Variants in CCDC149 observed in about 807,000 individuals in gnomAD.
The protein encoded by CCDC149 is coiled-coil domain-containing protein 149.
A neutral mutation model predicts 59.9 loss-of-function variants in CCDC149; 45 were observed. That is an observed-to-expected ratio of 0.75 (90% confidence interval 0.59 to 0.96). The LOEUF is 0.96. CCDC149 is among the 40% of genes least tolerant of loss of function. CCDC149 has a pLI of 0.00. For missense variants in CCDC149, 584 were observed against 664.7 expected (o/e 0.88, Z 1.33); for synonymous variants, 245 against 260.6 (o/e 0.94, Z 0.58).
chr4:24,825,798 T>C (rs1237045485), intron 9 of CCDC149, among the ~76,000 whole-genome samples: 1 of 151,696 alleles, frequency 6.6e-6, no homozygotes, highest in African/African-American at 2.4e-5. Context: ...CACACATGCT[T>C]ATTAAAACTG....
chr4:24,942,891 TAA>T (rs961304996), intron 1 of CCDC149, among the ~76,000 whole-genome samples: 11 of 151,742 alleles, frequency 7.2e-5, no homozygotes, highest in African/African-American at 2.4e-4. Flanking sequence ...CTCAATGAAA[TAA>T]AAGAGGATAC....
chr4:24,971,616 CTGT>C (rs1723973569), intron 1 of CCDC149, among the ~76,000 whole-genome samples: 1 of 152,218 alleles, frequency 6.6e-6, no homozygotes, highest in Non-Finnish European at 1.5e-5. Flanking sequence ...CATGTAGAAG[CTGT>C]CTATGATTCC....
chr4:24,836,764 T>G (rs16876198), intron 6 of CCDC149, among the ~76,000 whole-genome samples: 15,296 of 152,166 alleles, frequency 0.1, 872 homozygotes, highest in African/African-American at 0.16. Flanking sequence ...CTAAGGGATA[T>G]CAACACAGTT....
At chr4:24,831,821 G>A (rs55972403) in intron 8 of CCDC149, among the ~76,000 whole-genome samples, 171 bp from the exon 9 acceptor site, 5,308 of 152,248 alleles carry the variant, frequency 0.035, 126 homozygotes, top group Non-Finnish European at 0.051. Flanking sequence ...TCCAGTGTGA[G>A]AACTAAACAG....
intron 1 of CCDC149, among the ~76,000 whole-genome samples, chr4:24,903,634 T>C (rs1361667340): frequency 2.0e-5 from 3 of 152,168 alleles, no homozygotes; most frequent in Admixed American, 6.5e-5. Context: ...AAGTGTTCCA[T>C]GAATCTCAAC....
intron 1 of CCDC149, among the ~76,000 whole-genome samples, chr4:24,979,663 T>C (rs1352642998): frequency 6.6e-6 from 1 of 152,204 alleles, no homozygotes; most frequent in East Asian, 1.9e-4. Flanking sequence ...ACAGGGCTGA[T>C]GGGTAAGTCA....
intron 1 of CCDC149, among the ~76,000 whole-genome samples, chr4:24,902,155 T>C (rs1335545598): frequency 1.3e-5 from 2 of 152,138 alleles, no homozygotes; most frequent in Non-Finnish European, 2.9e-5. Context: ...TGGAAATAAT[T>C]GAGAATGTTG....
chr4:24,884,272 A>C (rs988621134), intron 1 of CCDC149, among the ~76,000 whole-genome samples: 4 of 152,170 alleles, frequency 2.6e-5, no homozygotes, highest in African/African-American at 7.2e-5. Flanking sequence ...AACATTTACC[A>C]CTGTGTTACA....
intron 12 of CCDC149, among the ~76,000 whole-genome samples, chr4:24,813,489 A>AATATATCTATATCTATATATAT (rs1186488610): frequency 6.2e-4 from 70 of 113,718 alleles, no homozygotes; most frequent in African/African-American, 2.7e-3. Context: ...CAGCTTGGGG[A>AATATATCTATATCTATATATAT]ATATATATAT....
chr4:24,858,905 C>A (rs800478), intron 3 of CCDC149, among the ~76,000 whole-genome samples: 122,416 of 152,136 alleles, frequency 0.8, 49,227 homozygotes, highest in East Asian at 0.9. Flanking sequence ...AGCTATCTTG[C>A]AGCATTTCTT....
rs1183097066 is a variant in CCDC149, at chr4:24,912,869, T to A, written c.11A>T (p.Glu4Val). The change falls in exon 1 of 13, where the codon GAG becomes GTG. Residue 4 changes from glutamate (E) to valine (V), a missense_variant. Physicochemically the swap from Glu to Val is moderately radical, Grantham distance 121 (BLOSUM62 -2). Transcript: ENST00000635206. Reference sequence around the variant, plus strand: ...CTCAGTCCGGTCGCCGTTCATGGCCTCCTCCTCCATGCGCTGGCCGGCCTC... The same window carrying A: ...CTCAGTCCGGTCGCCGTTCATGGCCACCTCCTCCATGCGCTGGCCGGCCTC... 5.8e-6 allele frequency: 8 copies of A among 1,368,488 alleles called. No homozygotes were observed. The highest frequency in any genetic ancestry group is 7.6e-6 in the Non-Finnish European group (8 of 1,045,786). The allele number at this position is 1,368,488 out of a possible 1,614,324, so 84.8% of individuals were successfully genotyped here. A position where few individuals can be genotyped will look rare whatever the true frequency, so the allele number is the denominator to read the frequency against.
intron 3 of CCDC149, among the ~76,000 whole-genome samples, chr4:24,857,936 ACCT>A (rs1296416290): frequency 2.0e-5 from 3 of 152,100 alleles, no homozygotes; most frequent in African/African-American, 7.2e-5. Context: ...CAGTCCCTCC[ACCT>A]CCTCAACTCC....
At chr4:24,972,726 C>G (rs1724013896) in intron 1 of CCDC149, among the ~76,000 whole-genome samples, 1 of 152,108 alleles carries the variant, frequency 6.6e-6, no homozygotes, top group Admixed American at 6.6e-5. Context: ...CCAATCTGAC[C>G]CTGGCATAAC....
At chr4:24,925,060 AG>A (rs904453110) in intron 1 of CCDC149, among the ~76,000 whole-genome samples, 1 of 152,220 alleles carries the variant, frequency 6.6e-6, no homozygotes, top group African/African-American at 2.4e-5. Context: ...GAGGCTCCTT[AG>A]GTACAGTTTT....
At chr4:24,809,184 C>A (rs1285949639) in intron 12 of CCDC149, among the ~76,000 whole-genome samples, 1 of 152,048 alleles carries the variant, frequency 6.6e-6, no homozygotes, top group African/African-American at 2.4e-5. Flanking sequence ...AGCTGAGAGC[C>A]AGGGCTTGTT....
At chr4:24,954,301 G>A (rs1049275564) in intron 1 of CCDC149, among the ~76,000 whole-genome samples, 2 of 152,160 alleles carry the variant, frequency 1.3e-5, no homozygotes, top group Non-Finnish European at 2.9e-5. Context: ...AGATTTTCCA[G>A]GCAGGTGCTG....
intron 1 of CCDC149, among the ~76,000 whole-genome samples, chr4:24,895,517 T>C (rs995983219): frequency 1.3e-5 from 2 of 152,214 alleles, no homozygotes; most frequent in African/African-American, 4.8e-5. Context: ...GCAGTGAATT[T>C]ACATTGCTCG....
chr4:24,930,458 C>T (rs552683839), intron 1 of CCDC149, among the ~76,000 whole-genome samples: 1 of 152,300 alleles, frequency 6.6e-6, no homozygotes, highest in Admixed American at 6.5e-5. Context: ...GCTAGGATTA[C>T]CTTAACCAGT....
At position 24,882,519 on chromosome 4, in the gene CCDC149, A is replaced by G. The variant is rs192517557; in HGVS notation, c.64-5822T>C. 3.3e-3 allele frequency among the ~76,000 whole-genome samples: 509 copies of G among 152,336 alleles called. 5 individuals carry two copies. Among genetic ancestry groups the G allele is most frequent in the African/African-American group, 0.011 (473 of 41,572 alleles). ...AAGGAAAGAAAGGCATGATACCTGG[A>G]TAACAAAACGTTATTTCCTGCTATC... On this transcript the variant is annotated intron_variant, in intron 1 of 12. Coordinates refer to ENST00000635206, the MANE Select transcript of CCDC149 (RefSeq NM_001330643.2).
Sources: gnomAD v4.1 joint callset for allele counts (sites outside exome capture counted in the v4.1 genomes callset) on GRCh38, gnomAD v4.1.1 for gene constraint, MANE v1.5 for transcripts, NCBI Gene and HGNC (gene_info 2026-07-23, HGNC 2026-07-21) for gene names.